SORCS2: variants seen among roughly 807,000 people sequenced by gnomAD.
SORCS2 encodes sortilin related VPS10 domain containing receptor 2.
In SORCS2, 100 loss-of-function variants were observed where a neutral mutation model predicts 141.6. The observed-to-expected ratio is 0.71, with a 90% CI of 0.60 to 0.83. The LOEUF (loss-of-function observed/expected upper bound fraction) is 0.83. SORCS2 is among the 40% of genes least tolerant of loss of function. SORCS2 has a pLI of 0.00. For synonymous variants in SORCS2, 789 were observed against 676.9 expected (o/e 1.17, Z -2.57); for missense variants, 1,646 against 1,560.2 (o/e 1.05, Z -0.93).
intron 2 of SORCS2, among the ~76,000 whole-genome samples, chr4:7,481,136 A>G (rs1730602636): frequency 1.3e-5 from 2 of 152,222 alleles, no homozygotes; most frequent in African/African-American, 4.8e-5. Context: ...TTGGCCACAC[A>G]TGGCATCCTC....
intron 1 of SORCS2, among the ~76,000 whole-genome samples, chr4:7,323,021 C>T (rs1376339466): frequency 2.6e-5 from 4 of 152,282 alleles, no homozygotes; most frequent in Non-Finnish European, 5.9e-5. Flanking sequence ...CAGTTCTGCC[C>T]TCAATGGGTG....
intron 1 of SORCS2, among the ~76,000 whole-genome samples, chr4:7,392,150 C>T (rs1406304471): frequency 6.6e-6 from 1 of 152,252 alleles, no homozygotes; most frequent in African/African-American, 2.4e-5. Flanking sequence ...ATCTGGAACA[C>T]TCCACGCTGT....
At chr4:7,726,713 A>G in intron 20 of SORCS2, 67 bp from the exon 21 acceptor site, 1 of 1,571,164 alleles carries the variant, frequency 6.4e-7, no homozygotes, top group Non-Finnish European at 8.7e-7. Context: ...CAGCGACCAT[A>G]GGCCAGCGTC....
At chr4:7,228,886 G>C (rs556483407) in intron 1 of SORCS2, among the ~76,000 whole-genome samples, 4 of 152,304 alleles carry the variant, frequency 2.6e-5, no homozygotes, top group African/African-American at 7.2e-5. Flanking sequence ...AGCCGGGCTG[G>C]TGCCCCCTGG....
At chr4:7,686,991 C>G (rs1723920052) in intron 10 of SORCS2, among the ~76,000 whole-genome samples, 1 of 152,212 alleles carries the variant, frequency 6.6e-6, no homozygotes, top group South Asian at 2.1e-4. Flanking sequence ...GAATAGGCCA[C>G]TAGTGGCGAG....
chr4:7,700,143 A>C (rs569505675), intron 12 of SORCS2, among the ~76,000 whole-genome samples: 1 of 152,254 alleles, frequency 6.6e-6, no homozygotes, highest in South Asian at 2.1e-4. Context: ...CCAGCCTGTG[A>C]TGCCCTTGTG....
At chr4:7,453,620 C>T (rs1400053317) in intron 2 of SORCS2, among the ~76,000 whole-genome samples, 1 of 113,600 alleles carries the variant, frequency 8.8e-6, no homozygotes, top group Non-Finnish European at 1.8e-5. Flanking sequence ...GTGTTGGGGT[C>T]AGGTGCTGTG....
At position 7,630,430 on chromosome 4, in the gene SORCS2, T is replaced by C. The variant is rs74879804; in HGVS notation, c.649-7898T>C. Among the ~76,000 whole-genome samples, 411 of 152,282 alleles carry C rather than the reference T, an allele frequency of 2.7e-3. 3 individuals are homozygous for C. The highest frequency in any genetic ancestry group is 0.014 in the South Asian group (69 of 4,818). On this transcript the variant is annotated intron_variant, in intron 3 of 26. Coordinates refer to ENST00000507866, the MANE Select transcript of SORCS2 (RefSeq NM_020777.3). Reference sequence around the variant, plus strand: ...AACACTTGCAAATGTTTTGCCTCATTGGGAACCTCAGCACAGAAGAAATTA... The same window carrying C: ...AACACTTGCAAATGTTTTGCCTCATCGGGAACCTCAGCACAGAAGAAATTA...
chr4:7,423,035 C>A (rs2109196038), intron 2 of SORCS2, among the ~76,000 whole-genome samples: 1 of 150,442 alleles, frequency 6.6e-6, no homozygotes, highest in East Asian at 2.0e-4. Context: ...GCCTTCACCC[C>A]AGCTCATCCC....
chr4:7,264,053 C>G (rs1054893993), intron 1 of SORCS2, among the ~76,000 whole-genome samples: 6 of 152,178 alleles, frequency 3.9e-5, no homozygotes, highest in African/African-American at 1.4e-4. Context: ...ACAGAGGCCC[C>G]CCTCCCTTTG....
chr4:7,510,264 G>A (rs988263748), intron 2 of SORCS2, among the ~76,000 whole-genome samples: 12 of 152,246 alleles, frequency 7.9e-5, no homozygotes, highest in African/African-American at 2.9e-4. Context: ...GAGTGTCCGG[G>A]TGGGTCCTGA....
At chr4:7,294,593 C>T (rs1716830715) in intron 1 of SORCS2, among the ~76,000 whole-genome samples, 1 of 151,554 alleles carries the variant, frequency 6.6e-6, no homozygotes, top group African/African-American at 2.4e-5. Flanking sequence ...TGTTTTTGTC[C>T]TCTGGGCCCA....
chr4:7,221,247 G>A (rs945612463), intron 1 of SORCS2, among the ~76,000 whole-genome samples: 6 of 152,170 alleles, frequency 3.9e-5, no homozygotes, highest in African/African-American at 1.2e-4. Flanking sequence ...TTTGGTGTGT[G>A]TCAGAATCTC....
At chr4:7,572,891 C>T (rs763333726) in intron 3 of SORCS2, among the ~76,000 whole-genome samples, 4 of 152,146 alleles carry the variant, frequency 2.6e-5, no homozygotes, top group South Asian at 2.1e-4. Flanking sequence ...AAGGACTGCA[C>T]GTTTGAGAGA....
At chr4:7,281,611 G>C (rs1471540593) in intron 1 of SORCS2, among the ~76,000 whole-genome samples, 2 of 152,194 alleles carry the variant, frequency 1.3e-5, no homozygotes, top group Non-Finnish European at 2.9e-5. Flanking sequence ...ATTGCCATCT[G>C]TTTCTTGCAA....
At chr4:7,469,046 C>T (rs1335909439) in intron 2 of SORCS2, among the ~76,000 whole-genome samples, 1 of 152,098 alleles carries the variant, frequency 6.6e-6, no homozygotes, top group East Asian at 1.9e-4. Context: ...AAGTGCTTCA[C>T]ACAGAGCCTG....
intron 2 of SORCS2, among the ~76,000 whole-genome samples, chr4:7,509,748 TG>T (rs1354860967): frequency 6.6e-6 from 1 of 152,136 alleles, no homozygotes; most frequent in Non-Finnish European, 1.5e-5. Flanking sequence ...GAGAGAAGGC[TG>T]GGGTGGTTCA....
intron 2 of SORCS2, among the ~76,000 whole-genome samples, chr4:7,505,423 G>C (rs1577670304): frequency 1.3e-5 from 2 of 152,026 alleles, no homozygotes; most frequent in South Asian, 4.2e-4. Flanking sequence ...CTCAGTCCCC[G>C]CATCAGGAGA....
chr4:7,395,565 A>G (rs1724157778), intron 1 of SORCS2, among the ~76,000 whole-genome samples: 2 of 152,200 alleles, frequency 1.3e-5, no homozygotes, highest in South Asian at 4.1e-4. Context: ...CAGTTATTTC[A>G]AAAGACAGTT....
Sources: allele counts gnomAD v4.1 joint callset (sites outside exome capture counted in the v4.1 genomes callset), GRCh38; gene constraint gnomAD v4.1.1; transcripts MANE v1.5; gene names NCBI Gene and HGNC (gene_info 2026-07-23, HGNC 2026-07-21).